TTPA: variants seen among roughly 807,000 people sequenced by gnomAD.
TTPA encodes alpha-tocopherol transfer protein.
In TTPA, 23 loss-of-function variants were observed where a neutral mutation model predicts 25.9. The observed-to-expected ratio is 0.89, with a 90% CI of 0.64 to 1.26. The LOEUF is 1.26. Among genes scored for constraint, TTPA ranks in the 50% most tolerant of loss-of-function variants. TTPA has a pLI of 0.00. For synonymous variants in TTPA, 148 were observed against 137.3 expected (o/e 1.08, Z -0.54); for missense variants, 337 against 353.1 (o/e 0.95, Z 0.37).
At chr8:63,080,728 A>AT (rs1285056750) in intron 1 of TTPA, among the ~76,000 whole-genome samples, 17 of 144,144 alleles carry the variant, frequency 1.2e-4, no homozygotes, top group African/African-American at 4.7e-4. Flanking sequence ...TCAAAAAAAA[A>AT]AAAAAAATAA....
intron 1 of TTPA, among the ~76,000 whole-genome samples, chr8:63,083,201 G>A (rs888630035): frequency 3.3e-5 from 5 of 152,082 alleles, no homozygotes; most frequent in African/African-American, 4.8e-5. Flanking sequence ...TGTTTACTGC[G>A]GCACTATTCA....
At chr8:63,078,456 T>C (rs1422006202) in intron 1 of TTPA, among the ~76,000 whole-genome samples, 2 of 152,138 alleles carry the variant, frequency 1.3e-5, no homozygotes, top group African/African-American at 2.4e-5. Flanking sequence ...GTTAAACGAA[T>C]GGCAAACTAG....
chr8:63,084,560 T>G (rs1249915674), intron 1 of TTPA, among the ~76,000 whole-genome samples: 2 of 152,224 alleles, frequency 1.3e-5, no homozygotes, highest in Non-Finnish European at 2.9e-5. Flanking sequence ...CCAGTTGATA[T>G]GGGATGCTCC....
At chr8:63,066,442 G>A (rs1251867200) in intron 2 of TTPA, among the ~76,000 whole-genome samples, 2 of 152,284 alleles carry the variant, frequency 1.3e-5, no homozygotes, top group South Asian at 2.1e-4. Flanking sequence ...GCAAGGGCCT[G>A]GATTATAAAG....
chr8:63,077,550 C>T (rs1214610675), intron 1 of TTPA, among the ~76,000 whole-genome samples: 2 of 152,260 alleles, frequency 1.3e-5, no homozygotes, highest in African/African-American at 4.8e-5. Flanking sequence ...TGGAGCCTTG[C>T]TCACTGCTAG....
Position 63,064,314 on chromosome 8 carries a change from A to T in TTPA, c.555T>A (p.Asp185Glu), listed in dbSNP as rs759458350. The change falls in exon 4 of 5, where the codon GAT becomes GAA. Residue 185 changes from aspartate to glutamate, a missense_variant and splice_region_variant. By Grantham distance (45) the Asp-to-Glu change is conservative. Transcript: ENST00000260116. ...TGCCACGAACTTTCAATGGAAATGAATCCTTTTGAAAATAAAAAAATCTTA... is the reference window on the plus strand; with the variant it reads ...TGCCACGAACTTTCAATGGAAATGATTCCTTTTGAAAATAAAAAAATCTTA... The part of the protein sequence containing the change: ...VAKKIAAVLT[D>E]SFPLKVRGIH... 6 of 1,604,262 alleles carry T rather than the reference A, an allele frequency of 3.7e-6. No individual in the cohort carries two copies. In the East Asian group the frequency reaches 1.1e-4, roughly 30 times the overall value.
In TTPA at chr8:63,061,144, A is replaced by T; in HGVS notation, c.*108T>A. 1.7e-6 allele frequency: 2 copies of T among 1,150,828 alleles called. No homozygotes were observed. The highest frequency in any genetic ancestry group is 2.5e-6 in the Non-Finnish European group (2 of 789,322). 71.3% of individuals were successfully genotyped at this position (1,150,828 alleles called of 1,614,324 possible). ...GAAGATTTCTACATTTTTAAAGTTC[A>T]GGCAAGCATTAGTTTAAAAGATTTG... On this transcript the variant is annotated 3_prime_UTR_variant, in exon 5 of 5. Coordinates refer to ENST00000260116, the MANE Select transcript of TTPA (RefSeq NM_000370.3).
At position 63,086,014 on chromosome 8, in the gene TTPA, T is replaced by A; in HGVS notation, c.8A>T (p.Glu3Val). 6.9e-7 allele frequency: 1 copy of A among 1,458,278 alleles called. No homozygotes were observed. The highest frequency in any genetic ancestry group is 9.0e-7 in the Non-Finnish European group (1 of 1,110,992). The allele number at this position is 1,458,278 out of a possible 1,614,324, so 90.3% of individuals were successfully genotyped here. Reference protein sequence around the residue: MAEARSQPSAGPQ... With the variant: MAVARSQPSAGPQ... ...CCCCGCCGAGGGCTGGGATCGCGCC[T>A]CTGCCATGCCCGCCGCCGCTGCTGC... The change falls in exon 1 of 5, where the codon GAG becomes GTG. Residue 3 changes from glutamate (E) to valine (V), a missense_variant. Transcript: ENST00000260116.
At chr8:63,067,913 A>G (rs1805422506) in intron 2 of TTPA, among the ~76,000 whole-genome samples, 1 of 152,166 alleles carries the variant, frequency 6.6e-6, no homozygotes, top group African/African-American at 2.4e-5. Flanking sequence ...AATGGCCTCC[A>G]GCTGCATCCC....
intron 2 of TTPA, among the ~76,000 whole-genome samples, chr8:63,071,654 G>A (rs1252842656): frequency 1.3e-5 from 2 of 152,152 alleles, no homozygotes; most frequent in Non-Finnish European, 1.5e-5. Flanking sequence ...GTAGTAAGAG[G>A]TGGGCCCTTT....
Position 63,066,099 on chromosome 8 carries a change from T to C in TTPA, c.359-2A>G. ...TAAAAACTTTGGGGTCCCAGTGTGC[T>C]AAAAAAAATAAAGCATATCATATCT... On this transcript the variant is annotated splice_acceptor_variant, in intron 2 of 4. Coordinates refer to ENST00000260116, the MANE Select transcript of TTPA (RefSeq NM_000370.3). LOFTEE classifies it high-confidence loss of function. The C allele has an allele frequency of 1.9e-6, 3 of 1,611,948 alleles. No individual in the cohort carries two copies. Among genetic ancestry groups the C allele is most frequent in the Non-Finnish European group, 2.5e-6 (3 of 1,178,600 alleles).
intron 1 of TTPA, among the ~76,000 whole-genome samples, chr8:63,081,045 C>A (rs1563365681): frequency 6.7e-6 from 1 of 149,994 alleles, no homozygotes; most frequent in South Asian, 2.1e-4. Context: ...GATTAACAGA[C>A]AAATTCTAAC....
chr8:63,072,073 G>A (rs1346460885), intron 2 of TTPA, among the ~76,000 whole-genome samples: 1 of 152,128 alleles, frequency 6.6e-6, no homozygotes, highest in East Asian at 1.9e-4. Flanking sequence ...CTCCACCCAA[G>A]AGAATGAGCC....
At chr8:63,075,643 G>A (rs549948495) in intron 1 of TTPA, among the ~76,000 whole-genome samples, 1 of 147,574 alleles carries the variant, frequency 6.8e-6, no homozygotes, top group South Asian at 2.1e-4. Flanking sequence ...AGGTTGCAGT[G>A]AGCCGAGATT....
In TTPA at chr8:63,063,585, C is replaced by T. The variant is rs186948436; in HGVS notation, c.663+621G>A. On this transcript the variant is annotated intron_variant, in intron 4 of 4. Coordinates refer to ENST00000260116, the MANE Select transcript of TTPA (RefSeq NM_000370.3). The stretch of plus-strand genomic sequence containing the variant: ...GAGAGATCTTGCTCCCAAACCTATT[C>T]TCATCTACTGTAGTTCACACCTCTT... Among the ~76,000 whole-genome samples, 55 of 152,286 alleles carry T rather than the reference C, an allele frequency of 3.6e-4. No individual in the cohort carries two copies. In the East Asian group the frequency reaches 8.5e-3, roughly 23 times the overall value.
At chr8:63,081,919 G>A (rs1805670157) in intron 1 of TTPA, among the ~76,000 whole-genome samples, 1 of 152,080 alleles carries the variant, frequency 6.6e-6, no homozygotes, top group Non-Finnish European at 1.5e-5. Context: ...AAATACCTAG[G>A]AATCCAACTT....
intron 4 of TTPA, among the ~76,000 whole-genome samples, chr8:63,062,184 A>G (rs1805317666): frequency 6.6e-6 from 1 of 152,186 alleles, no homozygotes; most frequent in Non-Finnish European, 1.5e-5. Context: ...TGTCTAAAAA[A>G]AAAAAAAGAA....
At chr8:63,083,055 C>A (rs1805689177) in intron 1 of TTPA, among the ~76,000 whole-genome samples, 1 of 152,178 alleles carries the variant, frequency 6.6e-6, no homozygotes, top group African/African-American at 2.4e-5. Flanking sequence ...TAAATTAGTT[C>A]AACCACTGTG....
At position 63,073,028 on chromosome 8, in the gene TTPA, G is replaced by A. The variant is rs374272548; in HGVS notation, c.265C>T (p.Pro89Ser). ...ECPEISADLH[P>S]RSIIGLLKAG... ...TTTAGGAGGCCAATAATACTTCTAG[G>A]GTGTAGATCTGCACTTATTTCTGGA... Residue 89 changes from proline to serine, a missense_variant, in exon 2 of 5, where the codon CCT (proline) becomes TCT (serine). Coordinates refer to ENST00000260116, the MANE Select transcript of TTPA (RefSeq NM_000370.3). 14 of 1,613,350 alleles carry A rather than the reference G, an allele frequency of 8.7e-6. No individual in the cohort carries two copies. The African/African-American group carries it at 1.6e-4, about 18-fold the overall frequency.
Sources: allele counts gnomAD v4.1 joint callset (sites outside exome capture counted in the v4.1 genomes callset), GRCh38; gene constraint gnomAD v4.1.1; transcripts MANE v1.5; gene names NCBI Gene and HGNC (gene_info 2026-07-23, HGNC 2026-07-21).